The following EBF1 variants were observed in gnomAD, a reference collection of about 807,000 sequenced individuals.
EBF1 encodes transcription factor COE1.
EBF1 carries 10 observed loss-of-function variants against 68.4 expected under a neutral mutation model. The observed-to-expected ratio is 0.15, with a 90% confidence interval of 0.09 to 0.25. The LOEUF (loss-of-function observed/expected upper bound fraction) is 0.25, where lower values mean the gene tolerates loss of function less well. Ranked by LOEUF, EBF1 falls within the 10% of genes least tolerant of loss-of-function variation. The pLI, the probability that EBF1 is intolerant of heterozygous loss-of-function variation, is 1.00. For missense variants in EBF1, 509 were observed against 794.4 expected (o/e 0.64, Z 4.32); for synonymous variants, 298 against 299.8 (o/e 0.99, Z 0.06).
chr5:158,840,471 G>C, intron 6 of EBF1, among the ~76,000 whole-genome samples: 1 of 152,136 alleles, frequency 6.6e-6, no homozygotes, highest in South Asian at 2.1e-4. Context: ...TGCAGTTTAA[G>C]CCCTATAAAC....
intron 6 of EBF1, among the ~76,000 whole-genome samples, chr5:158,898,775 G>C (rs1802679599): frequency 2.0e-5 from 3 of 152,190 alleles, no homozygotes; most frequent in Admixed American, 6.5e-5. Flanking sequence ...CTAATAGGCA[G>C]AAGTTGCCAC....
In EBF1 at chr5:158,765,413, C is replaced by CTGTAGA. The variant is rs1479343178; in HGVS notation, c.1036+11999_1036+12000insTCTACA. On this transcript the variant is annotated intron_variant, in intron 10 of 15. Coordinates refer to ENST00000313708, the MANE Select transcript of EBF1 (RefSeq NM_024007.5). ...ACGTGTGTAGAATGACTGGGAAGGC[C>CTGTAGA]ATATTTTGTGCAGATATTTAAATGT... Among the ~76,000 whole-genome samples the CTGTAGA allele has an allele frequency of 8.4e-3, 1,275 of 152,098 alleles. 21 individuals carry two copies. The highest frequency in any genetic ancestry group is 0.029 in the African/African-American group (1,210 of 41,490).
At position 158,840,049 on chromosome 5, in the gene EBF1, G is replaced by C. The variant is rs1313987601; in HGVS notation, c.616C>G (p.Arg206Gly). Residue 206 changes from arginine to glycine, a missense_variant, in exon 7 of 16, where the codon CGT becomes GGT. Arg to Gly is a moderately radical substitution (Grantham distance 125). Coordinates refer to ENST00000313708, the MANE Select transcript of EBF1 (RefSeq NM_024007.5). ...QNCLKNAGNP[R>G]DMRRFQVVVS... ...CCCACCTGGAATCTCCGCATGTCAC[G>C]TGGGTTTCCCGCATTCTTTAGGCAA... The C allele has an allele frequency of 6.2e-7, 1 of 1,614,054 alleles. No homozygotes were observed. The highest frequency in any genetic ancestry group is 8.5e-7 in the Non-Finnish European group (1 of 1,179,922).
At chr5:159,017,383 C>T (rs1168020893) in intron 6 of EBF1, among the ~76,000 whole-genome samples, 1 of 152,192 alleles carries the variant, frequency 6.6e-6, no homozygotes, top group East Asian at 1.9e-4. Context: ...TATCTGATAA[C>T]CCTGGGTTCA....
chr5:159,069,919 T>G (rs1233083027), intron 6 of EBF1, among the ~76,000 whole-genome samples: 3 of 152,190 alleles, frequency 2.0e-5, no homozygotes, highest in Non-Finnish European at 4.4e-5. Context: ...AAACTCCTAT[T>G]TATTCAATTT....
chr5:159,095,325 T>A (rs1212805564), intron 4 of EBF1, among the ~76,000 whole-genome samples: 4 of 152,094 alleles, frequency 2.6e-5, no homozygotes, highest in Non-Finnish European at 4.4e-5. Flanking sequence ...CCTTCGGGGC[T>A]CCCTGGCCGG....
rs930385794 is a variant in EBF1 at position 158,698,531 on chromosome 5, G to GA, written c.*579dup. On this transcript the variant is annotated 3_prime_UTR_variant, in exon 16 of 16. Coordinates refer to ENST00000313708, the MANE Select transcript of EBF1 (RefSeq NM_024007.5). ...GGGGTGGCATGTTAAGTTAGATATT[G>GA]AAAATGCACTGTCTGAGCTAACTAC... 2 of 219,534 alleles carry GA rather than the reference G, an allele frequency of 9.1e-6. No homozygotes were observed. The highest frequency in any genetic ancestry group is 1.8e-5 in the Non-Finnish European group (2 of 109,172). The allele number at this position is 219,534 out of a possible 1,614,324, so 13.6% of individuals were successfully genotyped here.
intron 6 of EBF1, among the ~76,000 whole-genome samples, chr5:159,069,817 G>T (rs6876121): frequency 0.01 from 1,547 of 152,238 alleles, 21 homozygotes; most frequent in African/African-American, 0.035. Flanking sequence ...TAAACTCGTT[G>T]AAATGGGAAT....
intron 6 of EBF1, among the ~76,000 whole-genome samples, chr5:158,902,431 T>TTTC (rs1803608367): frequency 1.3e-5 from 2 of 151,006 alleles, no homozygotes; most frequent in Admixed American, 1.3e-4. Flanking sequence ...TTTTTTTTTT[T>TTTC]TTCTTCTAGA....
intron 15 of EBF1, among the ~76,000 whole-genome samples, chr5:158,706,057 G>A (rs1375230123): frequency 6.6e-6 from 1 of 152,220 alleles, no homozygotes; most frequent in Non-Finnish European, 1.5e-5. Flanking sequence ...CCAGCTGGAG[G>A]TGTACTGAGG....
intron 8 of EBF1, among the ~76,000 whole-genome samples, chr5:158,803,328 C>T (rs1056406798): frequency 6.7e-6 from 1 of 149,596 alleles, no homozygotes. Flanking sequence ...TCCTCCTGCT[C>T]GATCTGAATG....
chr5:159,085,409 ACT>A (rs1198710234), intron 4 of EBF1, among the ~76,000 whole-genome samples: 1 of 152,144 alleles, frequency 6.6e-6, no homozygotes, highest in East Asian at 1.9e-4. Context: ...GTTACAACTG[ACT>A]CTCAAAATCT....
At chr5:159,028,977 A>C (rs1262300957) in intron 6 of EBF1, among the ~76,000 whole-genome samples, 4 of 152,204 alleles carry the variant, frequency 2.6e-5, no homozygotes, top group Middle Eastern at 3.2e-3. Context: ...AAATGGAAGA[A>C]TCAATCATAC....
At position 158,956,754 on chromosome 5, in the gene EBF1, CTTTTTTTTTTTTT is replaced by C. The variant is rs397883009; in HGVS notation, c.554+116629_554+116641del. On this transcript the variant is annotated intron_variant, in intron 6 of 15. Coordinates refer to ENST00000313708, the MANE Select transcript of EBF1 (RefSeq NM_024007.5). ...CCCACTACCTCTGCCACCAACACTT[CTTTTTTTTTTTTT>C]TTTTTTTTTGAGATGGAGTCTCGCT... is the stretch of plus-strand genomic sequence containing the variant. Among the ~76,000 whole-genome samples, 46 of 112,844 alleles carry C rather than the reference CTTTTTTTTTTTTT, an allele frequency of 4.1e-4. 1 individual carries two copies. The Admixed American group carries it at 4.1e-3, about 10-fold the overall frequency. 74.0% of individuals were successfully genotyped at this position (112,844 alleles called of 152,430 possible). A position where few individuals can be genotyped will look rare whatever the true frequency, so the allele number is the denominator to read the frequency against.
chr5:159,063,307 A>T (rs1273227056), intron 6 of EBF1, among the ~76,000 whole-genome samples: 2 of 152,194 alleles, frequency 1.3e-5, no homozygotes, highest in Non-Finnish European at 2.9e-5. Flanking sequence ...AGTCTTAACC[A>T]ACATGTAGAC....
intron 6 of EBF1, among the ~76,000 whole-genome samples, chr5:159,011,314 G>T (rs1212710909): frequency 6.6e-6 from 1 of 152,178 alleles, no homozygotes; most frequent in Non-Finnish European, 1.5e-5. Context: ...GTAAAAAACG[G>T]AAAGGCCAGC....
chr5:158,961,168 G>A (rs573023102), intron 6 of EBF1, among the ~76,000 whole-genome samples: 2 of 152,254 alleles, frequency 1.3e-5, no homozygotes, highest in South Asian at 2.1e-4. Flanking sequence ...TCTAAATGAG[G>A]TCCTTTGAGG....
chr5:158,734,690 C>T (rs1764812488), intron 10 of EBF1, among the ~76,000 whole-genome samples: 3 of 151,916 alleles, frequency 2.0e-5, no homozygotes, highest in Admixed American at 2.0e-4. Context: ...AATTTTTTTC[C>T]CCCTCAAACT....
chr5:158,892,489 G>A (rs908737927), intron 6 of EBF1, among the ~76,000 whole-genome samples: 2 of 152,018 alleles, frequency 1.3e-5, no homozygotes, highest in Admixed American at 1.3e-4. Context: ...AAAAACCAAA[G>A]ATCTCAAATC....
Sources: allele counts gnomAD v4.1 joint callset (sites outside exome capture counted in the v4.1 genomes callset), GRCh38; gene constraint gnomAD v4.1.1; transcripts MANE v1.5; gene names NCBI Gene and HGNC (gene_info 2026-07-23, HGNC 2026-07-21).